WLS: variants seen among roughly 807,000 people sequenced by gnomAD.
WLS encodes the protein Wnt ligand secretion mediator.
In WLS, 23 loss-of-function variants were observed where a neutral mutation model predicts 62.8. The observed-to-expected ratio is 0.37, with a 90% confidence interval of 0.26 to 0.52. WLS has a LOEUF of 0.52. Ranked by LOEUF, WLS falls within the 20% of genes least tolerant of loss-of-function variation. The probability of loss-of-function intolerance (pLI) is 0.92; values close to 1 mark genes in which losing one functional copy is unlikely to be tolerated. For synonymous variants in WLS, 246 were observed against 244.1 expected (o/e 1.01, Z -0.07); for missense variants, 615 against 697.3 (o/e 0.88, Z 1.33).
At chr1:68,204,611 A>G (rs2820508) in intron 1 of WLS, among the ~76,000 whole-genome samples, 1 of 152,054 alleles carries the variant, frequency 6.6e-6, no homozygotes, top group Non-Finnish European at 1.5e-5. Context: ...CCGGCCGGAA[A>G]TATTTTTTTA....
chr1:68,117,972 G>GAAA (rs11346016), intron 11 of WLS, among the ~76,000 whole-genome samples: 2 of 149,162 alleles, frequency 1.3e-5, no homozygotes, highest in Non-Finnish European at 3.0e-5. Flanking sequence ...GAATTGATGA[G>GAAA]AAAAAAAAAA....
chr1:68,174,778 T>C (rs1261500931), intron 2 of WLS, among the ~76,000 whole-genome samples: 1 of 152,174 alleles, frequency 6.6e-6, no homozygotes, highest in East Asian at 1.9e-4. Context: ...GAATGCCATC[T>C]CCTCCCTCAG....
chr1:68,206,503 C>T (rs1047115000), intron 1 of WLS, among the ~76,000 whole-genome samples: 5 of 152,006 alleles, frequency 3.3e-5, no homozygotes, highest in Admixed American at 1.3e-4. Context: ...ATTTGAGCAC[C>T]GGGTAGGGAT....
In WLS at chr1:68,101,273, CAG is replaced by C. The variant is rs1175634934; in HGVS notation, c.1511-2522_1511-2521del. 2.6e-5 allele frequency among the ~76,000 whole-genome samples: 4 copies of C among 152,220 alleles called. No homozygotes were observed. In the East Asian group the frequency reaches 7.7e-4, roughly 29 times the overall value. On this transcript the variant is annotated intron_variant, in intron 11 of 11. Coordinates refer to the WLS transcript ENST00000354777. ...ACAAAGCACCTAGCACCATGCCTGG[CAG>C]AGAGGGGCCAATAAATGTTCATCAT...
intron 2 of WLS, among the ~76,000 whole-genome samples, chr1:68,179,808 G>A (rs729885): frequency 0.078 from 11,907 of 152,254 alleles, 501 homozygotes; most frequent in Admixed American, 0.1. Flanking sequence ...CTCTGTGCAC[G>A]TGTAGAATGA....
downstream of WLS, among the ~76,000 whole-genome samples, chr1:68,120,919 G>A (rs1646356886): frequency 6.6e-6 from 1 of 152,176 alleles, no homozygotes; most frequent in Non-Finnish European, 1.5e-5. Flanking sequence ...AGCTAAAGAT[G>A]TCCCTTAACC....
At chr1:68,231,726 A>T (rs954410460) in intron 1 of WLS, 1 of 462,104 alleles carries the variant, frequency 2.2e-6, no homozygotes, top group Admixed American at 2.3e-5. Flanking sequence ...CAGCCTTGTA[A>T]CAGAGCTCCG....
intron 2 of WLS, among the ~76,000 whole-genome samples, chr1:68,193,002 G>A (rs1420514366): frequency 6.6e-6 from 1 of 150,930 alleles, no homozygotes; most frequent in Non-Finnish European, 1.5e-5. Context: ...CCAGCTACGT[G>A]GGAGGCTGAG....
chr1:68,196,524 G>A (rs972132074), intron 1 of WLS, among the ~76,000 whole-genome samples: 28 of 152,046 alleles, frequency 1.8e-4, no homozygotes, highest in Admixed American at 1.1e-3. Flanking sequence ...GTTATATAAC[G>A]GGAAAAATGT....
chr1:68,172,736 AC>A lies in WLS; in HGVS notation c.380-13490del, dbSNP rs1172344888. ...CCAATGAATTGCAGAATAGGAGTTC[AC>A]TAGGCAGCGAGATAGGAAAAGGCAT... On this transcript the variant is annotated intron_variant, in intron 2 of 11. Transcript: ENST00000262348. Among the ~76,000 whole-genome samples, 3 of 152,204 alleles carry A rather than the reference AC, an allele frequency of 2.0e-5. No individual in the cohort carries two copies. The East Asian group carries it at 5.8e-4, about 29-fold the overall frequency.
At chr1:68,223,854 GCT>G (rs1185993370) in intron 1 of WLS, among the ~76,000 whole-genome samples, 3 of 152,178 alleles carry the variant, frequency 2.0e-5, no homozygotes, top group Admixed American at 1.3e-4. Context: ...GAGACCAGAA[GCT>G]CTCTCTTTTG....
chr1:68,232,105 T>A, intron 1 of WLS, 89 bp downstream of exon 1: 1 of 1,552,050 alleles, frequency 6.4e-7, no homozygotes, highest in Non-Finnish European at 8.8e-7. Flanking sequence ...AGCAAGGCAG[T>A]GATACTGTAA....
At chr1:68,110,249 A>G (rs1008229677) in intron 11 of WLS, among the ~76,000 whole-genome samples, 2 of 151,978 alleles carry the variant, frequency 1.3e-5, no homozygotes, top group Non-Finnish European at 2.9e-5. Flanking sequence ...AGTTGAAAAA[A>G]TATTTTAAGT....
intron 1 of WLS, among the ~76,000 whole-genome samples, chr1:68,213,161 G>T (rs1175878596): frequency 6.6e-6 from 1 of 152,118 alleles, no homozygotes; most frequent in Non-Finnish European, 1.5e-5. Flanking sequence ...AAAGACAAGA[G>T]GAAGTAAAGC....
At chr1:68,225,313 A>G (rs975292940) in intron 1 of WLS, among the ~76,000 whole-genome samples, 25 of 152,180 alleles carry the variant, frequency 1.6e-4, no homozygotes, top group African/African-American at 2.4e-5. Flanking sequence ...CTTAGAAAAC[A>G]CTAAAGTTTG....
chr1:68,110,525 C>T (rs563337404), intron 11 of WLS, among the ~76,000 whole-genome samples: 3 of 151,984 alleles, frequency 2.0e-5, no homozygotes, highest in East Asian at 3.9e-4. Flanking sequence ...TGAGGACAAA[C>T]AGGATGAAGG....
chr1:68,159,438 C>T (rs899804995), intron 2 of WLS, among the ~76,000 whole-genome samples, 191 bp from the exon 3 acceptor site: 3 of 152,144 alleles, frequency 2.0e-5, no homozygotes, highest in African/African-American at 4.8e-5. Context: ...TGGGTCCCCT[C>T]TCATGTCCAC....
intron 1 of WLS, among the ~76,000 whole-genome samples, chr1:68,214,118 C>G (rs577430376): frequency 3.4e-4 from 51 of 151,916 alleles, no homozygotes; most frequent in Non-Finnish European, 4.4e-5. Flanking sequence ...AGCAGCCTGG[C>G]CAAGTTCCAG....
At position 68,148,598 on chromosome 1, in the gene WLS, G is replaced by A; in HGVS notation, c.1035C>T (p.Gly345=). 1.2e-6 allele frequency: 2 copies of A among 1,614,134 alleles called. No individual in the cohort carries two copies. The highest frequency in any genetic ancestry group is 1.7e-6 in the Non-Finnish European group (2 of 1,180,014). ...YWKQVGPIAV[G]SFCLFIFDMC... ...TGTCAAATATGAAGAGGCAGAAGGA[G>A]CCAACGGCAATGGGTCCGACTTGCT... Residue 345 remains glycine (G), a synonymous_variant, in exon 7 of 12, where the codon GGC becomes GGT. Coordinates refer to ENST00000262348, the MANE Select transcript of WLS (RefSeq NM_024911.7).
Sources: gnomAD v4.1 joint callset for allele counts (sites outside exome capture counted in the v4.1 genomes callset) on GRCh38, gnomAD v4.1.1 for gene constraint, MANE v1.5 for transcripts, NCBI Gene and HGNC (gene_info 2026-07-23, HGNC 2026-07-21) for gene names.